Variants in SRGAP3 observed in about 807,000 individuals in gnomAD.
SRGAP3 encodes SLIT-ROBO Rho GTPase activating protein 3, also known as SLIT-ROBO Rho GTPase-activating protein 3.
A neutral mutation model predicts 121.1 loss-of-function variants in SRGAP3; 39 were observed. The observed-to-expected ratio is 0.32, with a 90% confidence interval of 0.25 to 0.42. SRGAP3 has a LOEUF of 0.42. Ranked by LOEUF, SRGAP3 falls within the 10% of genes least tolerant of loss-of-function variation. The probability of loss-of-function intolerance (pLI) is 1.00; values close to 1 mark genes in which losing one functional copy is unlikely to be tolerated. For missense variants in SRGAP3, 1,213 were observed against 1,470.6 expected (o/e 0.82, Z 2.86); for synonymous variants, 601 against 570.0 (o/e 1.05, Z -0.77).
chr3:9,345,681 G>A (rs1239087715), intron 1 of SRGAP3, among the ~76,000 whole-genome samples: 10 of 150,298 alleles, frequency 6.7e-5, no homozygotes, highest in African/African-American at 2.2e-4. Flanking sequence ...AGCTACCTGG[G>A]AGGCTGAGGC....
At chr3:9,214,895 G>C (rs1440041315) in intron 1 of SRGAP3, among the ~76,000 whole-genome samples, 1 of 152,148 alleles carries the variant, frequency 6.6e-6, no homozygotes, top group Admixed American at 6.5e-5. Context: ...TCACCCTTCA[G>C]ACCAGAAAGT....
At chr3:9,015,186 T>C (rs1208263085) in intron 15 of SRGAP3, among the ~76,000 whole-genome samples, 1 of 150,398 alleles carries the variant, frequency 6.6e-6, no homozygotes, top group African/African-American at 2.5e-5. Flanking sequence ...ATTCAAGGTC[T>C]TCCCCCTTTT....
intron 3 of SRGAP3, among the ~76,000 whole-genome samples, chr3:9,279,642 T>C (rs1954643238): frequency 6.6e-6 from 1 of 150,926 alleles, no homozygotes; most frequent in Admixed American, 6.7e-5. Flanking sequence ...GCCTCCCGAG[T>C]ACCTGGGATT....
Position 8,985,728 on chromosome 3 carries a change from A to T in SRGAP3, c.3091T>A (p.Ser1031Thr), listed in dbSNP as rs1313594406. The T allele has an allele frequency of 1.3e-6, 2 of 1,589,252 alleles. No homozygotes were observed. The highest frequency in any genetic ancestry group is 1.7e-6 in the Non-Finnish European group (2 of 1,176,262). The stretch of plus-strand genomic sequence containing the variant: ...AAGGTGGTCATCATCTCGGTGGAGG[A>T]GCTGCTGCTGCGGCGCATGGCGGCA... ...PDAAMRRSSS[S>T]STEMMTTFKP... The change falls in exon 22 of 22, where the codon TCC (serine) becomes ACC (threonine). Residue 1031 changes from serine to threonine, a missense_variant. Ser to Thr is a moderately conservative substitution (Grantham distance 58). Around this residue, in one of 2 missense-constraint regions of SRGAP3, gnomAD observed 420 missense variants for 437.7 expected, o/e 0.96. Coordinates refer to ENST00000383836, the MANE Select transcript of SRGAP3 (RefSeq NM_014850.4). The surrounding 1 kb of genome is among the most constrained non-coding windows in gnomAD (Gnocchi z 5.1).
intron 18 of SRGAP3, among the ~76,000 whole-genome samples, chr3:8,995,572 T>C (rs1942351177): frequency 6.6e-6 from 1 of 152,202 alleles, no homozygotes; most frequent in Non-Finnish European, 1.5e-5. Flanking sequence ...ACTGTGATTA[T>C]AATTATTAAT....
At chr3:9,079,939 C>T (rs1947161374) in intron 4 of SRGAP3, 86 bp downstream of exon 4, 1 of 1,487,382 alleles carries the variant, frequency 6.7e-7, no homozygotes, top group Non-Finnish European at 9.3e-7. Context: ...GGGGTCATTC[C>T]AGACCTCTGT....
chr3:9,122,442 G>T (rs543984192), intron 2 of SRGAP3, among the ~76,000 whole-genome samples: 1 of 152,250 alleles, frequency 6.6e-6, no homozygotes, highest in African/African-American at 2.4e-5. Flanking sequence ...GGGCGCGGTG[G>T]CTCACACCTT....
intron 15 of SRGAP3, 83 bp downstream of exon 15, chr3:9,015,514 T>G: frequency 6.4e-7 from 1 of 1,574,194 alleles, no homozygotes; most frequent in African/African-American, 1.3e-5. Flanking sequence ...CCCTCCTCTA[T>G]GCCTAGCACA....
intron 20 of SRGAP3, chr3:8,992,499 C>T (rs1175015475): frequency 2.8e-6 from 1 of 357,006 alleles, no homozygotes; most frequent in Non-Finnish European, 5.2e-6. Flanking sequence ...TGTGAGTTTT[C>T]TGTTTATGTA....
At chr3:9,137,626 G>A (rs1000336411) in intron 1 of SRGAP3, among the ~76,000 whole-genome samples, 2 of 152,174 alleles carry the variant, frequency 1.3e-5, no homozygotes, top group African/African-American at 4.8e-5. Context: ...TTAAAGAAAG[G>A]AGTCCCACTT....
chr3:9,123,707 A>AATATATAT (rs368589354), intron 2 of SRGAP3, among the ~76,000 whole-genome samples: 1 of 137,706 alleles, frequency 7.3e-6, no homozygotes, highest in Non-Finnish European at 1.6e-5. Context: ...TCTGTCTCAA[A>AATATATAT]ATATATATAT....
chr3:9,340,014 T>C (rs1233755378), intron 1 of SRGAP3, among the ~76,000 whole-genome samples: 1 of 152,002 alleles, frequency 6.6e-6, no homozygotes, highest in Non-Finnish European at 1.5e-5. Context: ...AATATAGGGC[T>C]AGACAGGAGG....
chr3:9,235,462 TG>T (rs1253303103), intron 1 of SRGAP3: 1 of 151,950 alleles, frequency 6.6e-6, no homozygotes, highest in African/African-American at 2.4e-5. Context: ...TGCCAGGGGT[TG>T]GGAACGAGGA....
intron 1 of SRGAP3, among the ~76,000 whole-genome samples, chr3:9,173,476 T>G (rs551071734): frequency 1.3e-5 from 2 of 152,020 alleles, no homozygotes; most frequent in South Asian, 2.1e-4. Flanking sequence ...CACTGGACAG[T>G]GGGAGAAATA....
chr3:9,126,847 T>C (rs1323619097), intron 1 of SRGAP3, among the ~76,000 whole-genome samples: 1 of 152,142 alleles, frequency 6.6e-6, no homozygotes, highest in African/African-American at 2.4e-5. Flanking sequence ...GTGTCATGGG[T>C]ACCCAAGAAG....
At chr3:9,025,192 TGA>T in intron 14 of SRGAP3, 67 bp downstream of exon 14, 1 of 1,551,050 alleles carries the variant, frequency 6.4e-7, no homozygotes. Flanking sequence ...CCACTGGCTC[TGA>T]GACACACGTG....
intron 10 of SRGAP3, among the ~76,000 whole-genome samples, chr3:9,041,867 G>A (rs1230936441): frequency 3.3e-5 from 5 of 152,234 alleles, no homozygotes; most frequent in South Asian, 4.1e-4. Flanking sequence ...TTCGGAGGCC[G>A]ACGTGGGTGA....
intron 18 of SRGAP3, among the ~76,000 whole-genome samples, chr3:9,002,222 C>T (rs1430556438): frequency 6.6e-6 from 1 of 152,050 alleles, no homozygotes; most frequent in African/African-American, 2.4e-5. Context: ...TCTTCTACCA[C>T]AGTAGGATAA....
chr3:8,986,013 C>G (rs928557457), intron 21 of SRGAP3, 81 bp from the exon 22 acceptor site: 1 of 1,592,732 alleles, frequency 6.3e-7, no homozygotes, highest in East Asian at 2.2e-5. Context: ...AGCTTCCCTT[C>G]GTAGGCAGGT....
Sources: gnomAD v4.1 joint callset for allele counts (sites outside exome capture counted in the v4.1 genomes callset) on GRCh38, gnomAD v4.1.1 for gene constraint, gnomAD v4.1.1 regional missense constraint, Gnocchi (gnomAD v3.1) non-coding constraint, MANE v1.5 for transcripts, NCBI Gene and HGNC (gene_info 2026-07-23, HGNC 2026-07-21) for gene names.